Variants in PTK2 observed in about 807,000 individuals in gnomAD.
PTK2 encodes protein tyrosine kinase 2.
Under a neutral mutation model 150.1 loss-of-function variants are expected in PTK2, and 45 were observed. The ratio of observed to expected loss-of-function variants is 0.30; its 90% CI spans 0.24 to 0.38. The LOEUF is 0.38. PTK2 is among the 10% of genes least tolerant of loss of function. The pLI is 1.00. For missense variants in PTK2, 919 were observed against 1,307.3 expected, an observed-to-expected ratio of 0.70 and a Z score of 4.58; for synonymous variants, 432 against 449.2, an observed-to-expected ratio of 0.96 and a Z score of 0.48.
intron 7 of PTK2, among the ~76,000 whole-genome samples, chr8:140,834,933 C>T (rs1039745858): frequency 2.6e-5 from 4 of 152,190 alleles, no homozygotes; most frequent in African/African-American, 9.7e-5. Context: ...TTGGAAAATC[C>T]TTAGAGAGCT....
At chr8:140,931,463 G>C (rs2154608548) in intron 1 of PTK2, among the ~76,000 whole-genome samples, 1 of 152,310 alleles carries the variant, frequency 6.6e-6, no homozygotes, top group African/African-American at 2.4e-5. Context: ...TGCTCAGGAG[G>C]CTGAGGTGGG....
At chr8:140,746,886 TTC>T (rs1370080172) in intron 17 of PTK2, 26 bp from the exon 21 acceptor site, 10 of 1,431,680 alleles carry the variant, frequency 7.0e-6, no homozygotes, top group African/African-American at 1.5e-5. Flanking sequence ...TCCATAGTTA[TTC>T]TTTCTTTTTT....
At chr8:140,931,259 T>A (rs2154608542) in intron 1 of PTK2, among the ~76,000 whole-genome samples, 1 of 152,304 alleles carries the variant, frequency 6.6e-6, no homozygotes, top group Middle Eastern at 3.4e-3. Flanking sequence ...TCCATGCATA[T>A]ACAAGAATGC....
In PTK2 at chr8:140,879,250, C is replaced by T. The variant is rs550572927; in HGVS notation, c.362+221G>A. The T allele has an allele frequency of 1.5e-5, 6 of 412,110 alleles. No individual in the cohort carries two copies. In the East Asian group the frequency reaches 1.7e-4, roughly 12 times the overall value. 25.5% of individuals were successfully genotyped at this position (412,110 alleles called of 1,614,324 possible). On this transcript the variant is annotated intron_variant, in intron 4 of 31. Coordinates refer to ENST00000522684, the Ensembl canonical transcript of PTK2. Reference sequence around the variant, plus strand: ...GCTAGCAAAAGACCATCACAGAAAACGGAAATCAGATGGCTCAAAGTATAA... The same window carrying T: ...GCTAGCAAAAGACCATCACAGAAAATGGAAATCAGATGGCTCAAAGTATAA...
At chr8:140,939,056 C>T (rs764894025) in intron 1 of PTK2, among the ~76,000 whole-genome samples, 18 of 151,696 alleles carry the variant, frequency 1.2e-4, no homozygotes, top group Non-Finnish European at 1.9e-4. Flanking sequence ...CATCTTCTTA[C>T]GTGAATAAAA....
intron 5 of PTK2, among the ~76,000 whole-genome samples, chr8:140,856,213 A>C (rs1221582455): frequency 1.3e-5 from 2 of 152,330 alleles, no homozygotes; most frequent in Non-Finnish European, 2.9e-5. Context: ...ATGCAGAGCA[A>C]CCAGAACTCT....
intron 22 of PTK2, among the ~76,000 whole-genome samples, chr8:140,724,469 A>C (rs915631572): frequency 1.3e-5 from 2 of 152,204 alleles, no homozygotes; most frequent in Non-Finnish European, 2.9e-5. Context: ...TGCTTTATTA[A>C]ATATGGGAAG....
At chr8:140,893,638 G>T (rs1290838000) in intron 2 of PTK2, among the ~76,000 whole-genome samples, 1 of 152,312 alleles carries the variant, frequency 6.6e-6, no homozygotes, top group African/African-American at 2.4e-5. Flanking sequence ...GTAGGGCAGA[G>T]TTGGGAAGGA....
At chr8:140,979,275 A>G (rs1400964994) in intron 1 of PTK2, among the ~76,000 whole-genome samples, 1 of 152,036 alleles carries the variant, frequency 6.6e-6, no homozygotes, top group African/African-American at 2.4e-5. Context: ...AAGAAAAAAA[A>G]AAAGAACTTT....
rs139106452 is a variant in PTK2, at chr8:140,802,447, C to T, written c.975+1096G>A. ...TTGTTATTACAAGAGTCAAAAAAGC[C>T]GAAAAAAATCAGTTTATAAAATATA... On this transcript the variant is annotated intron_variant, in intron 11 of 31. Transcript: ENST00000522684. 4.6e-3 allele frequency among the ~76,000 whole-genome samples: 699 copies of T among 151,402 alleles called. 4 individuals carry two copies. Among genetic ancestry groups the T allele is most frequent in the African/African-American group, 0.016 (658 of 41,254 alleles).
chr8:140,665,189 A>G (rs2089325150), intron 30 of PTK2, among the ~76,000 whole-genome samples, 192 bp from the exon 35 acceptor site: 1 of 152,018 alleles, frequency 6.6e-6, no homozygotes, highest in Non-Finnish European at 1.5e-5. Flanking sequence ...CTGACTGTTC[A>G]TTGCTCTAAT....
At chr8:140,747,769 A>C (rs1203283132) in intron 17 of PTK2, among the ~76,000 whole-genome samples, 2 of 99,668 alleles carry the variant, frequency 2.0e-5, no homozygotes, top group South Asian at 4.7e-4. Flanking sequence ...AGGAGGAGGA[A>C]GGAAGGAGGA....
chr8:140,940,175 G>C (rs1443812885), intron 1 of PTK2, among the ~76,000 whole-genome samples: 1 of 152,180 alleles, frequency 6.6e-6, no homozygotes, highest in Admixed American at 6.5e-5. Context: ...TGAAGAACTT[G>C]GGATTAACAG....
chr8:140,661,096 G>A (rs1022013114), intron 31 of PTK2, among the ~76,000 whole-genome samples: 9 of 152,190 alleles, frequency 5.9e-5, no homozygotes, highest in African/African-American at 1.9e-4. Flanking sequence ...GAGAGAATTT[G>A]TCTGAATTTG....
At chr8:140,911,282 T>C (rs1350905213) in intron 2 of PTK2, among the ~76,000 whole-genome samples, 1 of 152,136 alleles carries the variant, frequency 6.6e-6, no homozygotes, top group East Asian at 1.9e-4. Context: ...TAATATTTAG[T>C]GAAGAGCCGG....
intron 27 of PTK2, among the ~76,000 whole-genome samples, chr8:140,681,581 T>C (rs12114507): frequency 0.031 from 4,703 of 151,786 alleles, 217 homozygotes; most frequent in African/African-American, 0.11. Context: ...ATCGAGACCA[T>C]CCCGGCTAAC....
chr8:140,850,437 T>G (rs1005942125), intron 5 of PTK2, among the ~76,000 whole-genome samples: 11 of 142,076 alleles, frequency 7.7e-5, no homozygotes, highest in African/African-American at 2.4e-4. Flanking sequence ...AAAAAAAAAC[T>G]ACGACGGGCC....
intron 20 of PTK2, among the ~76,000 whole-genome samples, chr8:140,742,828 TC>T (rs1483017008): frequency 2.0e-5 from 3 of 152,198 alleles, no homozygotes; most frequent in Non-Finnish European, 4.4e-5. Flanking sequence ...TTTAACAGGG[TC>T]TTTGGCAGAA....
At chr8:140,913,735 T>C (rs991732958) in intron 2 of PTK2, among the ~76,000 whole-genome samples, 1 of 152,238 alleles carries the variant, frequency 6.6e-6, no homozygotes, top group African/African-American at 2.4e-5. Context: ...TGTTCATTAC[T>C]GTATTGTTCA....
Sources: allele counts gnomAD v4.1 joint callset (sites outside exome capture counted in the v4.1 genomes callset), GRCh38; gene constraint gnomAD v4.1.1; transcripts MANE v1.5; gene names NCBI Gene and HGNC (gene_info 2026-07-23, HGNC 2026-07-21).